The following COL28A1 variants were observed in gnomAD, a reference collection of about 807,000 sequenced individuals.
COL28A1 encodes collagen type XXVIII alpha 1 chain.
Under a neutral mutation model 150.2 loss-of-function variants are expected in COL28A1, and 161 were observed. That is an observed-to-expected ratio of 1.07 (90% CI 0.94 to 1.22). The LOEUF (loss-of-function observed/expected upper bound fraction) is 1.22. Among genes scored for constraint, COL28A1 ranks in the 50% most tolerant of loss-of-function variants. The pLI, the probability that COL28A1 is intolerant of heterozygous loss-of-function variation, is 0.00. For synonymous variants in COL28A1, 552 were observed against 469.7 expected (o/e 1.18, Z -2.26); for missense variants, 1,617 against 1,388.3 (o/e 1.16, Z -2.62).
chr7:7,406,286 G>T (rs1348295693), intron 27 of COL28A1, among the ~76,000 whole-genome samples: 2 of 152,088 alleles, frequency 1.3e-5, no homozygotes, highest in African/African-American at 4.8e-5. Context: ...CATTTTGTGG[G>T]TCTAACAGTA....
Position 7,419,889 on chromosome 7 carries a change from G to C in COL28A1, c.2063C>G (p.Pro688Arg). 1 of 1,596,382 alleles carries C rather than the reference G, an allele frequency of 6.3e-7. No individual in the cohort carries two copies. Among genetic ancestry groups the C allele is most frequent in the African/African-American group, 1.3e-5 (1 of 74,146 alleles). ...SGPRGVGTQGPKGDTGQKGLP... is the reference protein window; with the variant it reads ...SGPRGVGTQGRKGDTGQKGLP... ...AGCACTGAGCTGAGGACTCACCTTT[G>C]GCCCTTGGGTTCCTACGCCCCGAGG... is the stretch of plus-strand genomic sequence containing the variant. The change falls in exon 26 of 35, where the codon CCA (proline) becomes CGA (arginine). Residue 688 changes from proline to arginine, a missense_variant. Transcript: ENST00000399429.
chr7:7,505,965 C>T (rs1401499119), intron 11 of COL28A1, 49 bp downstream of exon 11: 1 of 885,052 alleles, frequency 1.1e-6, no homozygotes. Context: ...TACTATAGCG[C>T]ACTAGGGGAA....
chr7:7,451,064 G>C (rs1786654400), intron 18 of COL28A1, among the ~76,000 whole-genome samples: 1 of 152,044 alleles, frequency 6.6e-6, no homozygotes, highest in Non-Finnish European at 1.5e-5. Flanking sequence ...AGGGAGGGCA[G>C]TGGGATTGGG....
At chr7:7,365,285 G>A (rs1780877450) in intron 33 of COL28A1, among the ~76,000 whole-genome samples, 1 of 43,260 alleles carries the variant, frequency 2.3e-5, no homozygotes, top group Non-Finnish European at 8.4e-5. Flanking sequence ...ACACAAGCTT[G>A]CCTGTCAACT....
At chr7:7,378,590 C>A (rs982204315) in intron 30 of COL28A1, among the ~76,000 whole-genome samples, 1 of 152,162 alleles carries the variant, frequency 6.6e-6, no homozygotes, top group African/African-American at 2.4e-5. Context: ...TTGGGGGATA[C>A]ATTCGATCAC....
At position 7,358,303 on chromosome 7, in the gene COL28A1, G is replaced by A. The variant is rs1780439967; in HGVS notation, c.*330C>T. 5.2e-6 allele frequency: 1 copy of A among 193,540 alleles called. No individual in the cohort carries two copies. 12.0% of individuals were successfully genotyped at this position (193,540 alleles called of 1,614,324 possible). On this transcript the variant is annotated 3_prime_UTR_variant, in exon 35 of 35. Coordinates refer to ENST00000399429, the MANE Select transcript of COL28A1 (RefSeq NM_001037763.3). ...TGAGCTGACATAGTACATACAACAG[G>A]AATTAAAGGAATCAGAATCACATTG...
intron 3 of COL28A1, among the ~76,000 whole-genome samples, chr7:7,527,924 A>T (rs1395142668): frequency 6.6e-6 from 1 of 152,196 alleles, no homozygotes; most frequent in Non-Finnish European, 1.5e-5. Context: ...GTGACAAAAA[A>T]ATTCAACTTA....
intron 11 of COL28A1, among the ~76,000 whole-genome samples, chr7:7,496,798 C>A (rs747030603): frequency 6.6e-6 from 1 of 152,132 alleles, no homozygotes; most frequent in Non-Finnish European, 1.5e-5. Context: ...GATGTTTTAG[C>A]AACTTTTAAA....
At chr7:7,474,867 A>C (rs1788739088) in intron 14 of COL28A1, among the ~76,000 whole-genome samples, 198 bp from the exon 15 acceptor site, 1 of 152,220 alleles carries the variant, frequency 6.6e-6, no homozygotes. Flanking sequence ...CATAACACTT[A>C]AACAAGAAGG....
intron 27 of COL28A1, among the ~76,000 whole-genome samples, chr7:7,413,777 G>A: frequency 6.6e-6 from 1 of 152,176 alleles, no homozygotes; most frequent in Non-Finnish European, 1.5e-5. Context: ...TGGTTCAAAT[G>A]GGTGGGTGGG....
intron 13 of COL28A1, among the ~76,000 whole-genome samples, chr7:7,485,044 G>T (rs1268872931): frequency 4.6e-5 from 7 of 152,088 alleles, no homozygotes; most frequent in Non-Finnish European, 1.0e-4. Flanking sequence ...TTATTTGGAT[G>T]ATGAAATAAT....
rs1583584279 is a variant in COL28A1 at position 7,531,263 on chromosome 7, G to A, written c.681+85C>T. On this transcript the variant is annotated intron_variant, in intron 3 of 34. Coordinates refer to ENST00000399429, the MANE Select transcript of COL28A1 (RefSeq NM_001037763.3). The stretch of plus-strand genomic sequence containing the variant: ...TAACTCTCATTTTCTCCATCTTTTT[G>A]ACCCAGTATCTCTTCTTATGGGATT... 5.2e-6 allele frequency: 3 copies of A among 575,340 alleles called. No homozygotes were observed. The South Asian group carries it at 9.0e-5, about 17-fold the overall frequency. 35.6% of individuals were successfully genotyped at this position (575,340 alleles called of 1,614,324 possible). A position where few individuals can be genotyped will look rare whatever the true frequency, so the allele number is the denominator to read the frequency against.
intron 25 of COL28A1, among the ~76,000 whole-genome samples, chr7:7,429,332 A>G (rs927199604): frequency 1.3e-5 from 2 of 152,040 alleles, no homozygotes; most frequent in Non-Finnish European, 2.9e-5. Flanking sequence ...AATTTCCCGT[A>G]CTTTACCAAG....
chr7:7,386,662 G>C (rs1401436963), intron 27 of COL28A1, among the ~76,000 whole-genome samples: 4 of 152,186 alleles, frequency 2.6e-5, no homozygotes, highest in Admixed American at 6.5e-5. Context: ...GCAGGCACAA[G>C]AGAAAATCAC....
At chr7:7,440,188 G>T (rs1483027560) in intron 21 of COL28A1, among the ~76,000 whole-genome samples, 1 of 152,102 alleles carries the variant, frequency 6.6e-6, no homozygotes, top group Non-Finnish European at 1.5e-5. Flanking sequence ...CCAGGACATA[G>T]ATCCCCTACT....
At chr7:7,439,600 C>T (rs1785606044) in intron 21 of COL28A1, among the ~76,000 whole-genome samples, 1 of 152,172 alleles carries the variant, frequency 6.6e-6, no homozygotes, top group Non-Finnish European at 1.5e-5. Flanking sequence ...TCTTCACCTT[C>T]ATCTTTAAAA....
At chr7:7,371,324 A>G (rs984950563) in intron 32 of COL28A1, among the ~76,000 whole-genome samples, 3 of 152,270 alleles carry the variant, frequency 2.0e-5, no homozygotes, top group Non-Finnish European at 2.9e-5. Flanking sequence ...GTCTTTGGCT[A>G]TTCTGACACA....
rs1389570254 is a variant in COL28A1, at chr7:7,424,559, C to G, written c.1999-4606G>C. Among the ~76,000 whole-genome samples, 4 of 152,276 alleles carry G rather than the reference C, an allele frequency of 2.6e-5. No individual in the cohort carries two copies. In the East Asian group the frequency reaches 5.8e-4, roughly 22 times the overall value. On this transcript the variant is annotated intron_variant, in intron 25 of 34. Transcript: ENST00000399429. Reference sequence around the variant, plus strand: ...GCATAGCTGGACATAGCTTCCCACGCAACAGCTGAGGGTTGTTGGAGCCTG... The same window carrying G: ...GCATAGCTGGACATAGCTTCCCACGGAACAGCTGAGGGTTGTTGGAGCCTG...
At chr7:7,362,225 A>G (rs1780704575) in intron 33 of COL28A1, among the ~76,000 whole-genome samples, 1 of 148,566 alleles carries the variant, frequency 6.7e-6, no homozygotes, top group Admixed American at 6.9e-5. Context: ...CAGGAGCTAG[A>G]CAAATCTTTT....
Sources: allele counts gnomAD v4.1 joint callset (sites outside exome capture counted in the v4.1 genomes callset), GRCh38; gene constraint gnomAD v4.1.1; transcripts MANE v1.5; gene names NCBI Gene and HGNC (gene_info 2026-07-23, HGNC 2026-07-21).